Variants in IL1RAPL1 observed in about 807,000 individuals in gnomAD.
IL1RAPL1 encodes the protein interleukin 1 receptor accessory protein like 1.
A neutral mutation model predicts 48.4 loss-of-function variants in IL1RAPL1; 3 were observed. The ratio of observed to expected loss-of-function variants is 0.06; its 90% CI spans 0.03 to 0.16. IL1RAPL1 has a LOEUF of 0.16. IL1RAPL1 is among the 10% of genes least tolerant of loss of function. IL1RAPL1 has a pLI of 1.00. For missense variants in IL1RAPL1, 349 were observed against 530.6 expected, an observed-to-expected ratio of 0.66 and a Z score of 3.36; for synonymous variants, 185 against 187.7, an observed-to-expected ratio of 0.99 and a Z score of 0.12.
At chrX:29,397,066 T>G (rs1933927949) in intron 4 of IL1RAPL1, among the ~76,000 whole-genome samples, 2 of 112,388 alleles carry the variant, frequency 1.8e-5, no homozygotes, top group Admixed American at 9.5e-5. Flanking sequence ...TGATGTTTAT[T>G]TACTGATATT....
At chrX:29,045,936 C>T (rs867172367) in intron 2 of IL1RAPL1, among the ~76,000 whole-genome samples, 10 of 42,059 alleles carry the variant, frequency 2.4e-4, no homozygotes, top group Non-Finnish European at 3.5e-4. Context: ...TCCTCCTCCT[C>T]CTTCTTCCTC....
intron 6 of IL1RAPL1, among the ~76,000 whole-genome samples, chrX:29,885,519 A>G (rs991727873): frequency 8.9e-6 from 1 of 111,745 alleles, no homozygotes; most frequent in Admixed American, 9.5e-5. Context: ...TATTAAAAGC[A>G]TATACAATCA....
intron 1 of IL1RAPL1, among the ~76,000 whole-genome samples, chrX:28,705,539 A>T (rs1400675764): frequency 1.8e-5 from 2 of 112,133 alleles, no homozygotes; most frequent in Admixed American, 9.5e-5. Flanking sequence ...AGGTAAAGAA[A>T]CTAGCAACGT....
chrX:28,700,515 G>A (rs1204047743), intron 1 of IL1RAPL1, among the ~76,000 whole-genome samples: 1 of 108,631 alleles, frequency 9.2e-6, no homozygotes, highest in African/African-American at 3.4e-5. Context: ...ACCTCAGTCT[G>A]TCTCTGGAAC....
At chrX:29,433,463 TGTC>T (rs753646646) in intron 5 of IL1RAPL1, among the ~76,000 whole-genome samples, 3 of 111,424 alleles carry the variant, frequency 2.7e-5, no homozygotes, top group East Asian at 5.6e-4. Context: ...ATGAATATCA[TGTC>T]GTATCACATT....
chrX:29,597,813 G>T (rs904468128), intron 5 of IL1RAPL1, among the ~76,000 whole-genome samples: 1 of 112,011 alleles, frequency 8.9e-6, no homozygotes, highest in East Asian at 2.8e-4. Flanking sequence ...GTTTATGCAC[G>T]TAAAGGTGTT....
chrX:28,952,492 C>T (rs189174195), intron 2 of IL1RAPL1, among the ~76,000 whole-genome samples: 40 of 111,708 alleles, frequency 3.6e-4, no homozygotes, highest in African/African-American at 1.0e-3. Context: ...GATCAGCCTT[C>T]TGCCATTAGC....
At chrX:29,904,056 T>G (rs1932557009) in intron 6 of IL1RAPL1, among the ~76,000 whole-genome samples, 3 of 112,432 alleles carry the variant, frequency 2.7e-5, no homozygotes, top group Admixed American at 9.4e-5. Flanking sequence ...AAGGTCTCTC[T>G]TCTCCTTAAC....
chrX:29,873,497 G>C (rs1437201918), intron 6 of IL1RAPL1, among the ~76,000 whole-genome samples: 1 of 110,353 alleles, frequency 9.1e-6, no homozygotes, highest in Non-Finnish European at 1.9e-5. Flanking sequence ...GCGTAAAAGA[G>C]GCCCAAGGGA....
chrX:29,885,457 A>G lies in IL1RAPL1; in HGVS notation c.779-32007A>G, dbSNP rs140436372. On this transcript the variant is annotated intron_variant, in intron 6 of 10. Transcript: ENST00000378993. Reference sequence around the variant, plus strand: ...TTGCTTTGTTCTTTCGTACATCCCAAGCACTGAGAGTAGTGCCTGGCACAT... The same window carrying G: ...TTGCTTTGTTCTTTCGTACATCCCAGGCACTGAGAGTAGTGCCTGGCACAT... Among the ~76,000 whole-genome samples, 878 of 111,558 alleles carry G rather than the reference A, an allele frequency of 7.9e-3. 3 individuals are homozygous for G. The highest frequency in any genetic ancestry group is 0.027 in the African/African-American group (824 of 30,680).
rs188992882 is a variant in IL1RAPL1, at chrX:29,217,294, A to G, written c.83-65644A>G. Among the ~76,000 whole-genome samples, 44 of 112,350 alleles carry G rather than the reference A, an allele frequency of 3.9e-4. No individual in the cohort carries two copies. In the East Asian group the frequency reaches 9.0e-3, roughly 23 times the overall value. ...AATAGATACAACTCACAGTTTGAAA[A>G]TCACTGCCTTAGATTCCTAGTAAAT... On this transcript the variant is annotated intron_variant, in intron 2 of 10. Coordinates refer to ENST00000378993, the MANE Select transcript of IL1RAPL1 (RefSeq NM_014271.4).
intron 2 of IL1RAPL1, among the ~76,000 whole-genome samples, chrX:28,923,279 C>T (rs763490415): frequency 1.3e-4 from 14 of 110,124 alleles, no homozygotes; most frequent in East Asian, 2.9e-4. Context: ...CGGGTTCAAG[C>T]GATTCTCCAG....
At chrX:29,942,566 G>A (rs1933148429) in intron 9 of IL1RAPL1, among the ~76,000 whole-genome samples, 1 of 110,323 alleles carries the variant, frequency 9.1e-6, no homozygotes, top group South Asian at 3.8e-4. Context: ...AGCAAGATGG[G>A]AAGCATATGC....
chrX:29,145,601 T>A (rs999330580), intron 2 of IL1RAPL1, among the ~76,000 whole-genome samples: 5 of 111,278 alleles, frequency 4.5e-5, no homozygotes, highest in Non-Finnish European at 9.4e-5. Flanking sequence ...CAAATACTAA[T>A]CTCCAGCTCA....
intron 2 of IL1RAPL1, among the ~76,000 whole-genome samples, chrX:29,267,680 G>A (rs1335038747): frequency 1.8e-5 from 2 of 111,831 alleles, no homozygotes; most frequent in Non-Finnish European, 3.8e-5. Context: ...GCATGAGTCA[G>A]TTTTTTCAGT....
chrX:29,020,718 A>G (rs1156621283), intron 2 of IL1RAPL1, among the ~76,000 whole-genome samples: 2 of 111,657 alleles, frequency 1.8e-5, no homozygotes, highest in African/African-American at 3.3e-5. Flanking sequence ...AAATGTGGAT[A>G]AAGGAGAGGG....
intron 6 of IL1RAPL1, among the ~76,000 whole-genome samples, chrX:29,675,746 A>G (rs1926267634): frequency 9.0e-6 from 1 of 110,921 alleles, no homozygotes; most frequent in African/African-American, 3.3e-5. Flanking sequence ...ATCCGCCACC[A>G]TGCCCAGCTA....
At chrX:28,659,580 G>T (rs1360801092) in intron 1 of IL1RAPL1, 3 of 416,563 alleles carry the variant, frequency 7.2e-6, no homozygotes, top group Non-Finnish European at 8.5e-6. Flanking sequence ...GCGAGCTAGA[G>T]AGCGACGGTG....
intron 6 of IL1RAPL1, among the ~76,000 whole-genome samples, chrX:29,857,549 G>A (rs1454520257): frequency 8.9e-6 from 1 of 111,759 alleles, no homozygotes; most frequent in Admixed American, 9.5e-5. Context: ...TATGAAGAAT[G>A]ACACCTTCTT....
Sources: allele counts gnomAD v4.1 joint callset (sites outside exome capture counted in the v4.1 genomes callset), GRCh38; gene constraint gnomAD v4.1.1; transcripts MANE v1.5; gene names NCBI Gene and HGNC (gene_info 2026-07-23, HGNC 2026-07-21).